The following BAZ2B variants were observed in gnomAD, a reference collection of about 807,000 sequenced individuals.
The protein encoded by BAZ2B is bromodomain adjacent to zinc finger domain protein 2B.
In BAZ2B, 91 loss-of-function variants were observed where a neutral mutation model predicts 246.0. That is an observed-to-expected ratio of 0.37 (90% CI 0.31 to 0.44). The LOEUF (loss-of-function observed/expected upper bound fraction) is 0.44, where lower values mean the gene tolerates loss of function less well. BAZ2B is among the 20% of genes least tolerant of loss of function. The pLI is 1.00. For missense variants in BAZ2B, 2,332 were observed against 2,533.7 expected (o/e 0.92, Z 1.71); for synonymous variants, 855 against 860.0 (o/e 0.99, Z 0.10).
intron 31 of BAZ2B, 148 bp from the exon 32 acceptor site, chr2:159,337,920 G>A (rs2065933270): frequency 2.3e-5 from 16 of 698,946 alleles, no homozygotes; most frequent in South Asian, 9.7e-5. Context: ...AAAACTAGGT[G>A]GAAATAAGAA....
intron 1 of BAZ2B, among the ~76,000 whole-genome samples, chr2:159,583,541 A>G (rs1000529029): frequency 2.0e-5 from 3 of 152,246 alleles, no homozygotes; most frequent in African/African-American, 7.2e-5. Context: ...TGGAACAAAC[A>G]TAAGTAAATC....
At chr2:159,402,264 G>A (rs1193505662) in intron 16 of BAZ2B, among the ~76,000 whole-genome samples, 1 of 151,990 alleles carries the variant, frequency 6.6e-6, no homozygotes, top group African/African-American at 2.4e-5. Context: ...AACAGTGCTA[G>A]GTGGTGAAAC....
At chr2:159,364,478 G>C (rs2060019909) in intron 27 of BAZ2B, among the ~76,000 whole-genome samples, 1 of 151,964 alleles carries the variant, frequency 6.6e-6, no homozygotes, top group East Asian at 1.9e-4. Context: ...CTGCAGCCTC[G>C]AACTCCTGTG....
At chr2:159,658,178 G>A in the BAZ2B span, among the ~76,000 whole-genome samples, 4 of 152,192 alleles carry the variant, frequency 2.6e-5, no homozygotes, top group African/African-American at 9.6e-5. Context: ...TGCATCTATT[G>A]ATAGGATCAT....
intron 27 of BAZ2B, among the ~76,000 whole-genome samples, chr2:159,360,518 C>T (rs1438393418): frequency 6.6e-6 from 1 of 152,084 alleles, no homozygotes; most frequent in Non-Finnish European, 1.5e-5. Context: ...GTGAAAATGG[C>T]CATATTGCCC....
At chr2:159,666,793 T>G in the BAZ2B span, among the ~76,000 whole-genome samples, 1 of 152,044 alleles carries the variant, frequency 6.6e-6, no homozygotes, top group Non-Finnish European at 1.5e-5. Context: ...AGGCGGAGGT[T>G]GCAGTGAGCC....
At chr2:159,386,663 A>G (rs770718824) in intron 21 of BAZ2B, 56 bp from the exon 22 acceptor site, 116 of 1,470,506 alleles carry the variant, frequency 7.9e-5, no homozygotes, top group Non-Finnish European at 9.5e-5. Context: ...TTTAAAAGCC[A>G]TGATTTCGTA....
At chr2:159,575,282 G>A (rs1048296643) in intron 1 of BAZ2B, among the ~76,000 whole-genome samples, 4 of 151,996 alleles carry the variant, frequency 2.6e-5, no homozygotes, top group Non-Finnish European at 2.9e-5. Flanking sequence ...CAGCCTGGGC[G>A]ACAGAGCAAC....
rs544118139 is a variant in BAZ2B, at chr2:159,433,489, A to G, written c.1294-126T>C. 11 of 858,988 alleles carry G rather than the reference A, an allele frequency of 1.3e-5. No individual in the cohort carries two copies. The African/African-American group carries it at 1.9e-4, about 15-fold the overall frequency. The allele number at this position is 858,988 out of a possible 1,614,324, so 53.2% of individuals were successfully genotyped here. The stretch of plus-strand genomic sequence containing the variant: ...CATATATAAATTTAAATCATGATAT[A>G]CAAATGCTGTAAAAGTAGCAACAGC... On this transcript the variant is annotated intron_variant, in intron 8 of 36. Transcript: ENST00000392783.
intron 5 of BAZ2B, 75 bp downstream of exon 5, chr2:159,448,167 T>C: frequency 6.6e-7 from 1 of 1,509,132 alleles, no homozygotes; most frequent in Non-Finnish European, 8.9e-7. Flanking sequence ...CAAAAAAAGG[T>C]ATTAAACCTG....
chr2:159,430,859 G>A lies in BAZ2B; in HGVS notation c.2194+4C>T, dbSNP rs371689636. ...TTAGAATAATAAAAATAAAGTGTAGGTACCAGAGTGTGGGCTTGAAGTAAG... is the reference window on the plus strand; with the variant it reads ...TTAGAATAATAAAAATAAAGTGTAGATACCAGAGTGTGGGCTTGAAGTAAG... On this transcript the variant is annotated splice_donor_region_variant and intron_variant, in intron 10 of 36. Coordinates refer to ENST00000392783, the MANE Select transcript of BAZ2B (RefSeq NM_013450.4). 3.0e-5 allele frequency: 48 copies of A among 1,611,884 alleles called. No homozygotes were observed. In the African/African-American group the frequency reaches 6.0e-4, roughly 20 times the overall value.
chr2:159,576,771 G>A (rs1685415968), intron 1 of BAZ2B, among the ~76,000 whole-genome samples: 1 of 151,718 alleles, frequency 6.6e-6, no homozygotes, highest in African/African-American at 2.4e-5. Flanking sequence ...AAATTAGCCG[G>A]GCATGGTGGC....
chr2:159,576,308 C>T (rs17605928), intron 1 of BAZ2B, among the ~76,000 whole-genome samples: 46,179 of 151,674 alleles, frequency 0.3, 8,491 homozygotes, highest in East Asian at 0.46. Flanking sequence ...AGCATAACAT[C>T]GATGTGGTCA....
At chr2:159,634,701 TCTC>T in the BAZ2B span, among the ~76,000 whole-genome samples, 1 of 152,198 alleles carries the variant, frequency 6.6e-6, no homozygotes, top group African/African-American at 2.4e-5. Flanking sequence ...TTTAGTTTCT[TCTC>T]CACCTTTGAA....
At chr2:159,631,931 T>C in the BAZ2B span, among the ~76,000 whole-genome samples, 2 of 152,288 alleles carry the variant, frequency 1.3e-5, no homozygotes, top group Middle Eastern at 3.4e-3. Flanking sequence ...GATTTCAACA[T>C]AGATTTCATT....
At chr2:159,515,808 A>C (rs901045616) in intron 2 of BAZ2B, among the ~76,000 whole-genome samples, 1 of 152,132 alleles carries the variant, frequency 6.6e-6, no homozygotes, top group Middle Eastern at 3.2e-3. Flanking sequence ...TTGCTAATTT[A>C]AGAATAAGTT....
In BAZ2B at chr2:159,503,324, ACT is replaced by A. The variant is rs147959980; in HGVS notation, c.-2-24605_-2-24604del. 6.2e-3 allele frequency among the ~76,000 whole-genome samples: 937 copies of A among 152,042 alleles called. 6 individuals carry two copies. The highest frequency in any genetic ancestry group is 0.022 in the African/African-American group (898 of 41,474). On this transcript the variant is annotated intron_variant, in intron 2 of 36. Transcript: ENST00000392783. Reference sequence around the variant, plus strand: ...ACTTCTTGCCATTCCCAAATACACCACTGTCTCCTCCTGCATCCATGCTATGT... The same window carrying A: ...ACTTCTTGCCATTCCCAAATACACCAGTCTCCTCCTGCATCCATGCTATGT...
chr2:159,435,572 T>G (rs2072100993), intron 8 of BAZ2B: 1 of 152,254 alleles, frequency 6.6e-6, no homozygotes, highest in Admixed American at 6.5e-5. Flanking sequence ...GCCAGGATGG[T>G]CTCGATCTCT....
intron 13 of BAZ2B, 74 bp downstream of exon 13, chr2:159,427,867 T>C: frequency 3.4e-6 from 4 of 1,159,980 alleles, no homozygotes; most frequent in Non-Finnish European, 5.1e-6. Context: ...CTCCAGAGTG[T>C]AGTGAAATTT....
Sources: gnomAD v4.1 joint callset for allele counts (sites outside exome capture counted in the v4.1 genomes callset) on GRCh38, gnomAD v4.1.1 for gene constraint, MANE v1.5 for transcripts, NCBI Gene and HGNC (gene_info 2026-07-23, HGNC 2026-07-21) for gene names.